Variants in PYGB observed in about 807,000 individuals in gnomAD.
PYGB encodes glycogen phosphorylase B.
PYGB carries 82 observed loss-of-function variants against 94.3 expected under a neutral mutation model. That is an observed-to-expected ratio of 0.87 (90% CI 0.73 to 1.04). PYGB has a LOEUF of 1.04. Among genes scored for constraint, PYGB ranks in the 50% least tolerant of loss-of-function variants. The pLI is 0.00. For missense variants in PYGB, 1,132 were observed against 1,158.2 expected (o/e 0.98, Z 0.33); for synonymous variants, 488 against 479.1 (o/e 1.02, Z -0.24).
At chr20:25,268,469 A>G (rs1030967683) in intron 2 of PYGB, among the ~76,000 whole-genome samples, 11 of 151,814 alleles carry the variant, frequency 7.2e-5, no homozygotes, top group African/African-American at 2.7e-4. Context: ...ATTCATATGT[A>G]TACTTTAAAA....
At chr20:25,284,342 TGGTG>T in intron 14 of PYGB, 91 bp downstream of exon 14, 1 of 1,500,000 alleles carries the variant, frequency 6.7e-7, no homozygotes, top group Non-Finnish European at 9.0e-7. Flanking sequence ...GCCTCTGTCA[TGGTG>T]GGGGCTGTGT....
chr20:25,292,294 TC>T, intron 16 of PYGB, 111 bp from the exon 17 acceptor site: 2 of 1,229,954 alleles, frequency 1.6e-6, no homozygotes, highest in Non-Finnish European at 2.3e-6. Context: ...ACAGCATTGG[TC>T]CCTCCACGAC....
chr20:25,290,102 G>A (rs529546378), intron 15 of PYGB, among the ~76,000 whole-genome samples: 3 of 152,210 alleles, frequency 2.0e-5, no homozygotes, highest in Non-Finnish European at 4.4e-5. Flanking sequence ...TCTGTCCGCC[G>A]TAGCCTGGCT....
At chr20:25,269,910 T>A (rs61272267) in intron 3 of PYGB, among the ~76,000 whole-genome samples, 7,258 of 152,210 alleles carry the variant, frequency 0.048, 184 homozygotes, top group Middle Eastern at 0.11. Flanking sequence ...GCCCCTTGCC[T>A]TCTCCCTCCA....
At chr20:25,251,795 A>G (rs2092888785) in intron 1 of PYGB, among the ~76,000 whole-genome samples, 1 of 152,222 alleles carries the variant, frequency 6.6e-6, no homozygotes, top group South Asian at 2.1e-4. Context: ...GACTCTTCCC[A>G]TAAGCTCCTG....
chr20:25,288,789 C>T (rs373487284), intron 15 of PYGB, among the ~76,000 whole-genome samples: 1 of 152,178 alleles, frequency 6.6e-6, no homozygotes, highest in South Asian at 2.1e-4. Context: ...GGGCACAGGG[C>T]GTTGTGGCTG....
In PYGB at chr20:25,288,473, T is replaced by C. The variant is rs200461227; in HGVS notation, c.1817T>C (p.Ile606Thr). The C allele has an allele frequency of 5.8e-5, 94 of 1,613,838 alleles. No individual in the cohort carries two copies. The highest frequency in any genetic ancestry group is 4.1e-4 in the South Asian group (37 of 91,068). ...AKAFVPRTVM[I>T]GGKAAPGYHM... ...GCTTTTGTGCCCAGGACTGTTATGA[T>C]TGGGGGCAAGGTGAGTGACTTCCTC... Residue 606 changes from isoleucine (I) to threonine (T), a missense_variant, in exon 15 of 20, where the codon ATT (isoleucine) becomes ACT (threonine). By Grantham distance (89) the Ile-to-Thr change is moderately conservative. Coordinates refer to ENST00000216962, the MANE Select transcript of PYGB (RefSeq NM_002862.4).
chr20:25,259,369 G>A (rs2092908820), intron 2 of PYGB, 31 bp downstream of exon 2: 2 of 1,523,046 alleles, frequency 1.3e-6, no homozygotes, highest in Non-Finnish European at 1.8e-6. Context: ...GCTTCTGGGT[G>A]GCCCCTCGTG....
Position 25,248,427 on chromosome 20 carries a change from G to A in PYGB, c.243+6G>A, listed in dbSNP as rs2092877265. On this transcript the variant is annotated splice_donor_region_variant and intron_variant, in intron 1 of 19. Transcript: ENST00000216962. ...ACTACGAGCGCGACCCCAAGGTGAG[G>A]CGCTGCCCCGCCCTGTGCGCCCGTG... The A allele has an allele frequency of 2.7e-6, 4 of 1,491,784 alleles. No homozygotes were observed. The highest frequency in any genetic ancestry group is 5.6e-5 in the East Asian group (2 of 35,664). 92.4% of individuals were successfully genotyped at this position (1,491,784 alleles called of 1,614,324 possible).
intron 5 of PYGB, among the ~76,000 whole-genome samples, chr20:25,275,408 G>GGA: frequency 6.6e-6 from 1 of 152,214 alleles, no homozygotes; most frequent in East Asian, 1.9e-4. Flanking sequence ...GGGGCTGGCA[G>GGA]GAGAGGCTGC....
chr20:25,289,324 G>A (rs936745057), intron 15 of PYGB, among the ~76,000 whole-genome samples: 3 of 152,214 alleles, frequency 2.0e-5, no homozygotes, highest in African/African-American at 4.8e-5. Context: ...ATAGAGATAC[G>A]GAGTTCGAAA....
intron 2 of PYGB, among the ~76,000 whole-genome samples, chr20:25,259,539 A>G (rs1394895908): frequency 5.3e-5 from 8 of 152,206 alleles, no homozygotes; most frequent in Admixed American, 5.2e-4. Flanking sequence ...GTAAGAATCG[A>G]ACGGACCGCA....
intron 16 of PYGB, among the ~76,000 whole-genome samples, chr20:25,292,014 G>A (rs2088471974): frequency 6.6e-6 from 1 of 152,192 alleles, no homozygotes; most frequent in Admixed American, 6.5e-5. Flanking sequence ...CATTCCTCCT[G>A]AAAGGATCCA....
In PYGB at chr20:25,276,663, C is replaced by G. The variant is rs772229540; in HGVS notation, c.678C>G (p.Pro226=). 29 of 1,613,690 alleles carry G rather than the reference C, an allele frequency of 1.8e-5. No homozygotes were observed. Among genetic ancestry groups the G allele is most frequent in the African/African-American group, 5.3e-5 (4 of 74,894 alleles). The change falls in exon 6 of 20, where the codon CCC becomes CCG. Residue 226 remains proline (P), a synonymous_variant. Coordinates refer to ENST00000216962, the MANE Select transcript of PYGB (RefSeq NM_002862.4). ...WLDTQVVLAM[P]YDTPVPGYKN... Reference sequence around the variant, plus strand: ...GTGGCCAGGTGGTGCTGGCCATGCCCTACGACACCCCAGTGCCCGGCTACA... The same window carrying G: ...GTGGCCAGGTGGTGCTGGCCATGCCGTACGACACCCCAGTGCCCGGCTACA...
intron 17 of PYGB, chr20:25,293,911 ATTTC>A (rs1357730706): frequency 1.1e-5 from 6 of 542,428 alleles, no homozygotes; most frequent in African/African-American, 5.7e-5. Flanking sequence ...TAGTGATGAC[ATTTC>A]TTTAACAGTC....
chr20:25,271,584 G>A (rs1027160286), intron 4 of PYGB, 98 bp downstream of exon 4: 5 of 1,316,788 alleles, frequency 3.8e-6, no homozygotes, highest in Non-Finnish European at 4.4e-6. Context: ...CCACGCCCCC[G>A]CCAGGGGACT....
At chr20:25,264,965 C>G (rs917212811) in intron 2 of PYGB, among the ~76,000 whole-genome samples, 1 of 152,168 alleles carries the variant, frequency 6.6e-6, no homozygotes, top group Non-Finnish European at 1.5e-5. Context: ...GCCCGCATCG[C>G]CAAGACAATC....
intron 15 of PYGB, among the ~76,000 whole-genome samples, chr20:25,289,661 A>T (rs1051921179): frequency 2.6e-5 from 4 of 152,124 alleles, no homozygotes; most frequent in African/African-American, 9.7e-5. Flanking sequence ...AAAAGAAAAA[A>T]AAAAGAAGGA....
In PYGB at chr20:25,271,396, C is replaced by T; in HGVS notation, c.438C>T (p.Asp146=). The T allele has an allele frequency of 6.2e-7, 1 of 1,614,170 alleles. No individual in the cohort carries two copies. The highest frequency in any genetic ancestry group is 8.5e-7 in the Non-Finnish European group (1 of 1,180,022). ...TGATTTTTTCAGCGTGTTTCCTTGA[C>T]TCAATGGCTACCTTGGGCCTGGCAG... ...GLGRLAACFL[D]SMATLGLAAY... is the part of the protein sequence containing the mutation. Residue 146 remains aspartate (D), a synonymous_variant, in exon 4 of 20, where the codon GAC becomes GAT. Coordinates refer to ENST00000216962, the MANE Select transcript of PYGB (RefSeq NM_002862.4).
Sources: gnomAD v4.1 joint callset for allele counts (sites outside exome capture counted in the v4.1 genomes callset) on GRCh38, gnomAD v4.1.1 for gene constraint, MANE v1.5 for transcripts, NCBI Gene and HGNC (gene_info 2026-07-23, HGNC 2026-07-21) for gene names.